The following RALGPS2 variants were observed in gnomAD, a reference collection of about 807,000 sequenced individuals.
RALGPS2 encodes the protein ras-specific guanine nucleotide-releasing factor RalGPS2.
In RALGPS2, 43 loss-of-function variants were observed where a neutral mutation model predicts 86.8. That is an observed-to-expected ratio of 0.50 (90% confidence interval 0.39 to 0.64). The LOEUF (loss-of-function observed/expected upper bound fraction) is 0.64, where lower values mean the gene tolerates loss of function less well. RALGPS2 is among the 30% of genes least tolerant of loss of function. The pLI is 0.00. For missense variants in RALGPS2, 536 were observed against 694.6 expected (o/e 0.77, Z 2.57); for synonymous variants, 243 against 231.3 (o/e 1.05, Z -0.46).
intron 6 of RALGPS2, among the ~76,000 whole-genome samples, chr1:178,821,031 T>C (rs1381597287): frequency 1.3e-5 from 2 of 152,146 alleles, no homozygotes; most frequent in Non-Finnish European, 2.9e-5. Flanking sequence ...TGCTGGAAAC[T>C]AGTGTTAGGT....
At chr1:178,871,493 T>C (rs1658753823) in intron 8 of RALGPS2, among the ~76,000 whole-genome samples, 1 of 148,692 alleles carries the variant, frequency 6.7e-6, no homozygotes, top group African/African-American at 2.5e-5. Context: ...AAATACTCTT[T>C]ATAGCCTAGA....
rs746632905 is a variant in RALGPS2 at position 178,865,545 on chromosome 1, C to A, written c.608-11953C>A. On this transcript the variant is annotated intron_variant, in intron 8 of 19. Transcript: ENST00000367635. ...TCAAGGTCCATCCTGGTGATCATGTCTTTAATGGTACTTGCATCTTGCCCC... is the reference window on the plus strand; with the variant it reads ...TCAAGGTCCATCCTGGTGATCATGTATTTAATGGTACTTGCATCTTGCCCC... 5 of 1,614,004 alleles carry A rather than the reference C, an allele frequency of 3.1e-6. No homozygotes were observed. The African/African-American group carries it at 6.7e-5, about 22-fold the overall frequency.
At chr1:178,785,700 T>C in intron 4 of RALGPS2, 93 bp downstream of exon 4, 3 of 1,430,146 alleles carry the variant, frequency 2.1e-6, no homozygotes, top group Non-Finnish European at 2.8e-6. Context: ...TTCATATTAA[T>C]TTTAAAATGT....
intron 6 of RALGPS2, among the ~76,000 whole-genome samples, chr1:178,812,056 C>T (rs1182694400): frequency 5.3e-5 from 8 of 151,958 alleles, no homozygotes; most frequent in Admixed American, 3.3e-4. Flanking sequence ...AGGCCGGCAG[C>T]GATGTAACAA....
rs1356824357 is a variant in RALGPS2, at chr1:178,918,470, G to A, written c.*2111G>A. On this transcript the variant is annotated 3_prime_UTR_variant, in exon 20 of 20. Transcript: ENST00000367635. ...TTAACCATATCTGTGGAAATATGCA[G>A]TTGGAAGTCAGAGCCTGACATCACA... 2.6e-5 allele frequency: 4 copies of A among 152,096 alleles called. No individual in the cohort carries two copies. The highest frequency in any genetic ancestry group is 9.7e-5 in the African/African-American group (4 of 41,448). The allele number at this position is 152,096 out of a possible 1,614,324, so 9.4% of individuals were successfully genotyped here.
At chr1:178,915,299 G>A (rs1038958969) in intron 19 of RALGPS2, among the ~76,000 whole-genome samples, 2 of 152,076 alleles carry the variant, frequency 1.3e-5, no homozygotes, top group African/African-American at 4.8e-5. Context: ...GCAATGGTGC[G>A]ATCTTGGCTC....
chr1:178,735,177 T>C (rs1205206875), intron 1 of RALGPS2, among the ~76,000 whole-genome samples: 2 of 152,136 alleles, frequency 1.3e-5, no homozygotes, highest in Non-Finnish European at 2.9e-5. Context: ...GAATGAACTA[T>C]AGCTATACTC....
At chr1:178,825,312 C>T (rs1394615868) in intron 7 of RALGPS2, among the ~76,000 whole-genome samples, 3 of 152,096 alleles carry the variant, frequency 2.0e-5, no homozygotes, top group Non-Finnish European at 4.4e-5. Context: ...GTTTTATTGA[C>T]AGATGAGGAA....
At chr1:178,791,138 T>C (rs1287265987) in intron 4 of RALGPS2, among the ~76,000 whole-genome samples, 1 of 152,180 alleles carries the variant, frequency 6.6e-6, no homozygotes, top group Non-Finnish European at 1.5e-5. Context: ...GTTTGTTTTT[T>C]GAGACAGAGT....
chr1:178,763,448 G>A (rs930789373), intron 1 of RALGPS2, among the ~76,000 whole-genome samples: 1 of 152,216 alleles, frequency 6.6e-6, no homozygotes, highest in South Asian at 2.1e-4. Context: ...ATGGCCATTG[G>A]CCAAACAATA....
intron 7 of RALGPS2, among the ~76,000 whole-genome samples, chr1:178,825,422 A>C (rs141500278): frequency 1.3e-5 from 2 of 152,158 alleles, no homozygotes; most frequent in African/African-American, 4.8e-5. Context: ...TGGATTCAGA[A>C]TGAGAAAGGG....
chr1:178,896,572 C>G (rs1418279455), intron 16 of RALGPS2, among the ~76,000 whole-genome samples: 1 of 148,918 alleles, frequency 6.7e-6, no homozygotes, highest in Admixed American at 6.7e-5. Flanking sequence ...CACCCACTAA[C>G]TCGTCATCTA....
chr1:178,852,852 G>A, intron 8 of RALGPS2: 1 of 1,613,836 alleles, frequency 6.2e-7, no homozygotes, highest in Non-Finnish European at 8.5e-7. Flanking sequence ...TATCACTCCA[G>A]TCTTCTAATT....
rs1656126700 is a variant in RALGPS2 at position 178,833,564 on chromosome 1, C to CG, written c.607+14_607+15insG. 2.6e-6 allele frequency: 4 copies of CG among 1,521,854 alleles called. No homozygotes were observed. The highest frequency in any genetic ancestry group is 3.5e-6 in the Non-Finnish European group (4 of 1,147,418). 94.3% of individuals were successfully genotyped at this position (1,521,854 alleles called of 1,614,324 possible). On this transcript the variant is annotated intron_variant, in intron 8 of 19. Coordinates refer to ENST00000367635, the MANE Select transcript of RALGPS2 (RefSeq NM_152663.5). ...TTCCCTATTTAGGTGAGTTATGTCACTGTGTGTTTTTTGTTTCTAGTTGTT... is the reference window on the plus strand; with the variant it reads ...TTCCCTATTTAGGTGAGTTATGTCACGTGTGTGTTTTTTGTTTCTAGTTGTT...
At chr1:178,744,836 A>AAAAG (rs560088879) in intron 1 of RALGPS2, among the ~76,000 whole-genome samples, 2 of 151,380 alleles carry the variant, frequency 1.3e-5, no homozygotes, top group African/African-American at 4.9e-5. Flanking sequence ...AAAAAAAAAA[A>AAAAG]AGAAAGGAAA....
intron 4 of RALGPS2, among the ~76,000 whole-genome samples, chr1:178,788,769 A>C (rs1465138700): frequency 6.7e-6 from 1 of 149,494 alleles, no homozygotes; most frequent in African/African-American, 2.5e-5. Flanking sequence ...TTAGGTTTTA[A>C]GTCGCTCTTT....
At chr1:178,757,752 C>G (rs953494842) in intron 1 of RALGPS2, among the ~76,000 whole-genome samples, 7 of 151,996 alleles carry the variant, frequency 4.6e-5, no homozygotes, top group African/African-American at 1.7e-4. Context: ...CTGCAGTTTA[C>G]TTGTTTTGTT....
chr1:178,904,978 A>G (rs910030214), intron 18 of RALGPS2, among the ~76,000 whole-genome samples: 1 of 152,130 alleles, frequency 6.6e-6, no homozygotes, highest in Non-Finnish European at 1.5e-5. Flanking sequence ...CTACCCATCC[A>G]TGAGCATGGG....
At chr1:178,847,370 C>G (rs1296617223) in intron 8 of RALGPS2, among the ~76,000 whole-genome samples, 1 of 151,856 alleles carries the variant, frequency 6.6e-6, no homozygotes. Context: ...CACTTGAACC[C>G]GGGAGGCAGA....
Sources: allele counts gnomAD v4.1 joint callset (sites outside exome capture counted in the v4.1 genomes callset), GRCh38; gene constraint gnomAD v4.1.1; transcripts MANE v1.5; gene names NCBI Gene and HGNC (gene_info 2026-07-23, HGNC 2026-07-21).